Variants in NUGGC observed in about 807,000 individuals in gnomAD.
NUGGC encodes nuclear GTPase, germinal center associated.
In NUGGC, 58 loss-of-function variants were observed where a neutral mutation model predicts 92.6. The ratio of observed to expected loss-of-function variants is 0.63; its 90% CI spans 0.51 to 0.78. The LOEUF is 0.78. Among genes scored for constraint, NUGGC ranks in the 30% least tolerant of loss-of-function variants. The pLI is 0.00. For missense variants in NUGGC, 925 were observed against 964.6 expected, an observed-to-expected ratio of 0.96 and a Z score of 0.54; for synonymous variants, 376 against 366.4, an observed-to-expected ratio of 1.03 and a Z score of -0.30.
intron 13 of NUGGC, among the ~76,000 whole-genome samples, chr8:28,035,137 A>T (rs563857788): frequency 6.6e-6 from 1 of 152,294 alleles, no homozygotes; most frequent in African/African-American, 2.4e-5. Flanking sequence ...TGCTCACAGC[A>T]AACTCTCAAC....
At chr8:28,051,910 G>GAAACAAAACAAAACA (rs562620245) in intron 10 of NUGGC, among the ~76,000 whole-genome samples, 1 of 149,410 alleles carries the variant, frequency 6.7e-6, no homozygotes, top group Non-Finnish European at 1.5e-5. Flanking sequence ...CAACAGGAGC[G>GAAACAAAACAAAACA]AAACAAAACA....
intron 1 of NUGGC, among the ~76,000 whole-genome samples, chr8:28,076,647 G>A (rs186754107): frequency 4.6e-5 from 7 of 152,228 alleles, no homozygotes; most frequent in African/African-American, 9.6e-5. Context: ...GTAAAGCAAA[G>A]AGTAGAAATA....
At chr8:28,060,165 T>C (rs879000871) in intron 8 of NUGGC, 1 of 603,002 alleles carries the variant, frequency 1.7e-6, no homozygotes, top group South Asian at 1.6e-5. Flanking sequence ...ATCTGGTACA[T>C]GTGAGTGGCA....
chr8:28,046,448 T>C (rs1030332316), intron 11 of NUGGC, among the ~76,000 whole-genome samples: 1 of 152,180 alleles, frequency 6.6e-6, no homozygotes, highest in Non-Finnish European at 1.5e-5. Context: ...CGCAGAGCTC[T>C]AGGTTCCCCG....
At chr8:28,030,529 C>T (rs1809391129) in intron 15 of NUGGC, 111 bp from the exon 16 acceptor site, 1 of 672,998 alleles carries the variant, frequency 1.5e-6, no homozygotes, top group African/African-American at 1.8e-5. Flanking sequence ...ATATGATGCC[C>T]AGTTGTTTGT....
intron 13 of NUGGC, among the ~76,000 whole-genome samples, chr8:28,034,457 TTCTC>T (rs1292326829): frequency 6.6e-6 from 1 of 152,244 alleles, no homozygotes; most frequent in Non-Finnish European, 1.5e-5. Flanking sequence ...ATTGGTATAA[TTCTC>T]TCTTTTTTCT....
intron 7 of NUGGC, among the ~76,000 whole-genome samples, chr8:28,062,333 T>C (rs190098385): frequency 6.6e-6 from 1 of 152,110 alleles, no homozygotes; most frequent in Non-Finnish European, 1.5e-5. Context: ...AGCTTTGGGC[T>C]CTGGGCCAGA....
chr8:28,063,404 T>C (rs775655425), intron 7 of NUGGC, among the ~76,000 whole-genome samples: 105 of 152,196 alleles, frequency 6.9e-4, no homozygotes, highest in Admixed American at 2.3e-3. Flanking sequence ...TGTCGCTCTC[T>C]CGGCCGGGCC....
chr8:28,069,491 G>T (rs749178352), intron 4 of NUGGC, 53 bp downstream of exon 4: 8 of 868,706 alleles, frequency 9.2e-6, no homozygotes, highest in Non-Finnish European at 1.2e-5. Flanking sequence ...ACCTATAATC[G>T]CCTAAGGAAA....
intron 2 of NUGGC, among the ~76,000 whole-genome samples, chr8:28,073,759 C>T (rs1810649663): frequency 6.6e-6 from 1 of 152,106 alleles, no homozygotes; most frequent in African/African-American, 2.4e-5. Context: ...TCTTGTAAGA[C>T]AGGCTACCTG....
chr8:28,023,101 G>T lies in NUGGC; in HGVS notation c.*216C>A. On this transcript the variant is annotated 3_prime_UTR_variant, in exon 19 of 19. Transcript: ENST00000413272. Reference sequence around the variant, plus strand: ...AAAAAAAAAAAAATTACCCAGGTGTGGTGGCCTGTACCTGTAGCCCCAGCT... The same window carrying T: ...AAAAAAAAAAAAATTACCCAGGTGTTGTGGCCTGTACCTGTAGCCCCAGCT... 4.5e-6 allele frequency: 2 copies of T among 444,650 alleles called. No homozygotes were observed. The highest frequency in any genetic ancestry group is 7.9e-6 in the Non-Finnish European group (2 of 254,590). 27.5% of individuals were successfully genotyped at this position (444,650 alleles called of 1,614,324 possible). A position where few individuals can be genotyped will look rare whatever the true frequency, so the allele number is the denominator to read the frequency against.
intron 9 of NUGGC, among the ~76,000 whole-genome samples, chr8:28,056,734 A>G (rs1336465412): frequency 1.3e-5 from 2 of 152,220 alleles, no homozygotes; most frequent in Non-Finnish European, 2.9e-5. Context: ...CGATTCTATC[A>G]TGAAAAGTTA....
chr8:28,074,416 GT>G lies in NUGGC; in HGVS notation c.-7del. 6.2e-7 allele frequency: 1 copy of G among 1,613,664 alleles called. No homozygotes were observed. The highest frequency in any genetic ancestry group is 8.5e-7 in the Non-Finnish European group (1 of 1,179,730). ...ACATCCTTCGTTTCTGCCATTCCTT[GT>G]TACGTGAACTCCTGCTCTTCTCAGT... On this transcript the variant is annotated 5_prime_UTR_variant, in exon 2 of 19. Transcript: ENST00000413272.
chr8:28,082,043 A>G (rs1256270000), intron 1 of NUGGC, among the ~76,000 whole-genome samples: 1 of 152,196 alleles, frequency 6.6e-6, no homozygotes, highest in Non-Finnish European at 1.5e-5. Flanking sequence ...AGGTTTAAGT[A>G]ACTTTGGTGT....
At chr8:28,025,229 C>T (rs1428533197) in intron 18 of NUGGC, among the ~76,000 whole-genome samples, 2 of 152,236 alleles carry the variant, frequency 1.3e-5, no homozygotes, top group Non-Finnish European at 2.9e-5. Flanking sequence ...CATTCTTACA[C>T]ATCTTGTCTT....
At chr8:28,049,407 A>G (rs999112) in intron 10 of NUGGC, among the ~76,000 whole-genome samples, 28,591 of 152,236 alleles carry the variant, frequency 0.19, 2,765 homozygotes, top group South Asian at 0.23. Flanking sequence ...GAGTTTTAAA[A>G]CAGTTCCAAG....
chr8:28,074,319 AGTAAT>A, intron 2 of NUGGC, 44 bp downstream of exon 2: 1 of 1,280,494 alleles, frequency 7.8e-7, no homozygotes, highest in Non-Finnish European at 1.1e-6. Context: ...ATCCTATATC[AGTAAT>A]CAGTTCCTAT....
chr8:28,057,619 A>G, intron 9 of NUGGC, among the ~76,000 whole-genome samples: 1 of 152,106 alleles, frequency 6.6e-6, no homozygotes, highest in East Asian at 1.9e-4. Context: ...GATTACAGGC[A>G]TGAGTCACCA....
chr8:28,044,318 C>T (rs1585568142), intron 12 of NUGGC, among the ~76,000 whole-genome samples: 1 of 152,274 alleles, frequency 6.6e-6, no homozygotes, highest in East Asian at 1.9e-4. Context: ...TGAAAACCAA[C>T]CAAATGAGGA....
Sources: gnomAD v4.1 joint callset for allele counts (sites outside exome capture counted in the v4.1 genomes callset) on GRCh38, gnomAD v4.1.1 for gene constraint, MANE v1.5 for transcripts, NCBI Gene and HGNC (gene_info 2026-07-23, HGNC 2026-07-21) for gene names.